The following NELL1 variants were observed in gnomAD, a reference collection of about 807,000 sequenced individuals.
NELL1 encodes the protein protein kinase C-binding protein NELL1.
A neutral mutation model predicts 107.4 loss-of-function variants in NELL1; 76 were observed. That is an observed-to-expected ratio of 0.71 (90% confidence interval 0.59 to 0.86). NELL1 has a LOEUF of 0.86. NELL1 is among the 40% of genes least tolerant of loss of function. The probability of loss-of-function intolerance (pLI) is 0.00; values close to 1 mark genes in which losing one functional copy is unlikely to be tolerated. For missense variants in NELL1, 1,024 were observed against 1,005.5 expected (o/e 1.02, Z -0.25); for synonymous variants, 353 against 341.2 (o/e 1.03, Z -0.38).
intron 7 of NELL1, among the ~76,000 whole-genome samples, chr11:20,920,657 T>G (rs796141083): frequency 4.6e-5 from 7 of 152,194 alleles, no homozygotes; most frequent in African/African-American, 1.4e-4. Flanking sequence ...GCTACCAAAG[T>G]TTTGGAACAA....
rs150671691 is a variant in NELL1, at chr11:20,904,097, G to A, written c.604-14085G>A. Among the ~76,000 whole-genome samples the A allele has an allele frequency of 4.7e-3, 717 of 152,166 alleles. 2 individuals are homozygous for A. The highest frequency in any genetic ancestry group is 0.016 in the African/African-American group (683 of 41,520). Reference sequence around the variant, plus strand: ...GGACTATGTGAAGAACTGATAAAAGGTACTTGTAACTCAGAACGAGTTAGT... The same window carrying A: ...GGACTATGTGAAGAACTGATAAAAGATACTTGTAACTCAGAACGAGTTAGT... On this transcript the variant is annotated intron_variant, in intron 5 of 19. Transcript: ENST00000357134.
intron 3 of NELL1, among the ~76,000 whole-genome samples, chr11:20,833,953 A>G (rs780498377): frequency 1.3e-5 from 2 of 152,220 alleles, no homozygotes; most frequent in Non-Finnish European, 2.9e-5. Flanking sequence ...GCGCATGCCT[A>G]AGACTTCTAG....
chr11:21,213,524 T>C (rs1393968057), intron 13 of NELL1, among the ~76,000 whole-genome samples: 2 of 152,150 alleles, frequency 1.3e-5, no homozygotes, highest in Non-Finnish European at 2.9e-5. Flanking sequence ...ATTGAATCAA[T>C]TGAATCAATT....
chr11:21,234,857 A>G (rs1194938096), intron 14 of NELL1, among the ~76,000 whole-genome samples: 1 of 152,228 alleles, frequency 6.6e-6, no homozygotes, highest in Non-Finnish European at 1.5e-5. Context: ...TAAGTCAAAT[A>G]GACATCTCAC....
intron 15 of NELL1, among the ~76,000 whole-genome samples, chr11:21,407,622 A>G (rs1250737979): frequency 6.7e-6 from 1 of 150,170 alleles, no homozygotes; most frequent in African/African-American, 2.5e-5. Context: ...ATGTCTCTCT[A>G]TTACCTACCA....
chr11:20,885,946 T>C (rs564350954), intron 5 of NELL1, among the ~76,000 whole-genome samples: 1 of 152,348 alleles, frequency 6.6e-6, no homozygotes, highest in African/African-American at 2.4e-5. Context: ...AGTAGATGTC[T>C]AGATATGAAA....
chr11:21,236,989 T>A (rs1169656735), intron 14 of NELL1, among the ~76,000 whole-genome samples: 10 of 152,180 alleles, frequency 6.6e-5, no homozygotes, highest in African/African-American at 2.4e-4. Flanking sequence ...CCTTCAAATC[T>A]GTAAAACATC....
intron 15 of NELL1, among the ~76,000 whole-genome samples, chr11:21,471,829 G>A (rs184050046): frequency 9.3e-4 from 142 of 152,112 alleles, no homozygotes; most frequent in African/African-American, 3.2e-3. Context: ...TGCTTATTAT[G>A]CATACATGCA....
Position 20,895,355 on chromosome 11 carries a change from A to C in NELL1, c.603+9815A>C, listed in dbSNP as rs180996590. Among the ~76,000 whole-genome samples, 5 of 143,842 alleles carry C rather than the reference A, an allele frequency of 3.5e-5. No individual in the cohort carries two copies. The East Asian group carries it at 1.0e-3, about 29-fold the overall frequency. 94.4% of individuals were successfully genotyped at this position (143,842 alleles called of 152,430 possible). A position where few individuals can be genotyped will look rare whatever the true frequency, so the allele number is the denominator to read the frequency against. On this transcript the variant is annotated intron_variant, in intron 5 of 19. Transcript: ENST00000357134. ...GTCCTACTGTGTATATGTACCCTTT[A>C]ACCAGCTTCTCTTCATCCTTGCTCC...
chr11:20,829,428 A>C (rs191203813), intron 3 of NELL1, among the ~76,000 whole-genome samples: 1 of 151,922 alleles, frequency 6.6e-6, no homozygotes, highest in Non-Finnish European at 1.5e-5. Context: ...AGGTTTCACT[A>C]TCTTGGCCAG....
At chr11:21,440,684 G>C (rs972547489) in intron 15 of NELL1, among the ~76,000 whole-genome samples, 5 of 152,112 alleles carry the variant, frequency 3.3e-5, no homozygotes, top group Admixed American at 6.6e-5. Context: ...TCACTGGTGA[G>C]ATGTCTTGGA....
chr11:21,503,378 G>A (rs901206407), intron 15 of NELL1, among the ~76,000 whole-genome samples: 2 of 152,160 alleles, frequency 1.3e-5, no homozygotes, highest in Admixed American at 1.3e-4. Flanking sequence ...CTAGACCAAT[G>A]TTAAGACGCG....
intron 2 of NELL1, among the ~76,000 whole-genome samples, chr11:20,779,440 C>T (rs1408772680): frequency 6.6e-6 from 1 of 152,176 alleles, no homozygotes; most frequent in South Asian, 2.1e-4. Context: ...TTCTTATGGG[C>T]TTTATCTGTC....
rs9667370 is a variant in NELL1 at position 21,203,088 on chromosome 11, G to A, written c.1427-26244G>A. ...AATGTGATGTGGTGCTGAGAAAAAT[G>A]TATATTCTGTTGATCTGAGGTGGAG... On this transcript the variant is annotated intron_variant, in intron 13 of 19. Coordinates refer to ENST00000357134, the MANE Select transcript of NELL1 (RefSeq NM_006157.5). Among the ~76,000 whole-genome samples the A allele has an allele frequency of 1.1e-3, 160 of 152,294 alleles. 1 individual carries two copies. Among genetic ancestry groups the A allele is most frequent in the African/African-American group, 3.7e-3 (155 of 41,572 alleles).
At chr11:21,160,151 G>A (rs777321091) in intron 13 of NELL1, among the ~76,000 whole-genome samples, 1 of 152,172 alleles carries the variant, frequency 6.6e-6, no homozygotes, top group Non-Finnish European at 1.5e-5. Context: ...GCATATGTAG[G>A]TCTGCCTCTG....
At chr11:20,930,576 A>T (rs900494053) in intron 9 of NELL1, among the ~76,000 whole-genome samples, 54 of 152,120 alleles carry the variant, frequency 3.5e-4, no homozygotes, top group Non-Finnish European at 5.0e-4. Flanking sequence ...ATATTTTTGT[A>T]TTTTATATTT....
At chr11:21,264,929 A>G (rs1848607407) in intron 14 of NELL1, among the ~76,000 whole-genome samples, 3 of 152,002 alleles carry the variant, frequency 2.0e-5, no homozygotes, top group South Asian at 4.1e-4. Context: ...AAAACATATG[A>G]ATAGTTCTTG....
intron 15 of NELL1, among the ~76,000 whole-genome samples, chr11:21,408,980 G>A (rs1440005796): frequency 8.1e-4 from 123 of 151,984 alleles, no homozygotes; most frequent in Non-Finnish European, 1.1e-3. Flanking sequence ...TACACTGTTG[G>A]TGGGACTGCA....
rs185496091 is a variant in NELL1 at position 20,883,950 on chromosome 11, A to C, written c.507-1494A>C. On this transcript the variant is annotated intron_variant, in intron 4 of 19. Coordinates refer to ENST00000357134, the MANE Select transcript of NELL1 (RefSeq NM_006157.5). ...AGTTTCGTCTAAAATCGTTCATTCT[A>C]AGATACAAAAAAGGTTAGATTCCTG... 3.3e-5 allele frequency among the ~76,000 whole-genome samples: 5 copies of C among 152,342 alleles called. No individual in the cohort carries two copies. The East Asian group carries it at 9.6e-4, about 29-fold the overall frequency.
Sources: allele counts gnomAD v4.1 joint callset (sites outside exome capture counted in the v4.1 genomes callset), GRCh38; gene constraint gnomAD v4.1.1; transcripts MANE v1.5; gene names NCBI Gene and HGNC (gene_info 2026-07-23, HGNC 2026-07-21).